ZXDC: variants seen among roughly 807,000 people sequenced by gnomAD.
The protein encoded by ZXDC is ZXD family zinc finger C.
Under a neutral mutation model 63.6 loss-of-function variants are expected in ZXDC, and 58 were observed. That is an observed-to-expected ratio of 0.91 (90% CI 0.74 to 1.13). ZXDC has a LOEUF of 1.13. Among genes scored for constraint, ZXDC ranks in the 50% most tolerant of loss-of-function variants. ZXDC has a pLI of 0.00. For missense variants in ZXDC, 1,133 were observed against 1,148.9 expected (o/e 0.99, Z 0.20); for synonymous variants, 561 against 496.1 (o/e 1.13, Z -1.74).
intron 5 of ZXDC, among the ~76,000 whole-genome samples, chr3:126,464,704 G>A (rs1273476535): frequency 6.6e-6 from 1 of 152,060 alleles, no homozygotes; most frequent in Admixed American, 6.6e-5. Flanking sequence ...AGAGGGAACG[G>A]CCAAACAGGG....
In ZXDC at chr3:126,461,895, C is replaced by G; in HGVS notation, c.1767G>C (p.Thr589=). Residue 589 remains threonine, a synonymous_variant, in exon 6 of 10, where the codon ACG becomes ACC. Coordinates refer to ENST00000389709, the MANE Select transcript of ZXDC (RefSeq NM_025112.5). ...CACTGAAGCTGCCCTGCTGCAGAAC[C>G]GTGGCTGCTGTCCCGAGAACCAGAG... is the stretch of plus-strand genomic sequence containing the variant. The part of the protein sequence containing the change: ...DSPLVLGTAA[T]VLQQGSFSVD... 1 of 1,614,206 alleles carries G rather than the reference C, an allele frequency of 6.2e-7. No individual in the cohort carries two copies. Among genetic ancestry groups the G allele is most frequent in the East Asian group, 2.2e-5 (1 of 44,884 alleles).
At chr3:126,450,635 T>C (rs902066274) in intron 7 of ZXDC, 2 of 423,398 alleles carry the variant, frequency 4.7e-6, no homozygotes, top group Non-Finnish European at 9.6e-6. Flanking sequence ...CGCATCTCCC[T>C]TCCTGCTGCT....
In ZXDC at chr3:126,475,092, G is replaced by C; in HGVS notation, c.774C>G (p.His258Gln). 6.2e-7 allele frequency: 1 copy of C among 1,609,856 alleles called. No individual in the cohort carries two copies. The highest frequency in any genetic ancestry group is 1.1e-5 in the South Asian group (1 of 90,286). ...KFTTVYNLKA[H>Q]MKGHEQESLF... ...GGCTCTCCTGCTCGTGGCCCTTCAT[G>C]TGCGCCTTGAGGTTATAGACCGTAG... Residue 258 changes from histidine (H) to glutamine (Q), a missense_variant, in exon 1 of 10, where the codon CAC becomes CAG. His to Gln is a conservative substitution (Grantham distance 24). Transcript: ENST00000389709.
intron 7 of ZXDC, chr3:126,450,626 G>A (rs781429373): frequency 4.6e-6 from 2 of 435,590 alleles, no homozygotes; most frequent in South Asian, 1.6e-5. Flanking sequence ...GCCCCTACCC[G>A]CATCTCCCTT....
intron 1 of ZXDC, among the ~76,000 whole-genome samples, chr3:126,473,081 G>A (rs1229914405): frequency 6.6e-6 from 1 of 152,118 alleles, no homozygotes; most frequent in Non-Finnish European, 1.5e-5. Flanking sequence ...GCATAGCACT[G>A]CCCAAAAGTA....
At chr3:126,439,781 GTCC>G in intron 8 of ZXDC, 54 bp from the exon 9 acceptor site, 1 of 1,516,446 alleles carries the variant, frequency 6.6e-7, no homozygotes, top group Non-Finnish European at 8.8e-7. Flanking sequence ...TGCAGCAAAG[GTCC>G]TCGTCTCACC....
At chr3:126,456,323 TG>T (rs1294041713) in intron 7 of ZXDC, among the ~76,000 whole-genome samples, 1 of 152,244 alleles carries the variant, frequency 6.6e-6, no homozygotes, top group Non-Finnish European at 1.5e-5. Flanking sequence ...CTGGGTGCCC[TG>T]GGCCACTTCC....
At chr3:126,474,742 A>T (rs1279631856) in intron 1 of ZXDC, among the ~76,000 whole-genome samples, 2 of 152,260 alleles carry the variant, frequency 1.3e-5, no homozygotes, top group Non-Finnish European at 2.9e-5. Flanking sequence ...TGGGAAGCGC[A>T]GCTGTGGTGA....
chr3:126,458,655 T>C, intron 7 of ZXDC: 1 of 985,454 alleles, frequency 1.0e-6, no homozygotes, highest in Non-Finnish European at 1.2e-6. Context: ...ACGTGTTATA[T>C]ACTTGAATGT....
intron 7 of ZXDC, chr3:126,459,302 G>C: frequency 1.0e-6 from 1 of 985,452 alleles, no homozygotes; most frequent in South Asian, 4.7e-5. Context: ...GCCATGCCAA[G>C]ATCAGGCCCC....
At chr3:126,441,188 G>A in intron 8 of ZXDC, 1 of 985,728 alleles carries the variant, frequency 1.0e-6, no homozygotes, top group Non-Finnish European at 1.2e-6. Flanking sequence ...CCTGGAAACT[G>A]GCCACAGCTG....
chr3:126,453,045 T>C, intron 7 of ZXDC: 1 of 985,418 alleles, frequency 1.0e-6, no homozygotes, highest in Non-Finnish European at 1.2e-6. Flanking sequence ...CCTTGTCAGA[T>C]TTTTCATGGG....
chr3:126,474,746 G>A (rs879518164), intron 1 of ZXDC, among the ~76,000 whole-genome samples: 1 of 152,268 alleles, frequency 6.6e-6, no homozygotes, highest in Admixed American at 6.5e-5. Flanking sequence ...AAGCGCAGCT[G>A]TGGTGATCTG....
chr3:126,444,675 C>T (rs931485943), intron 7 of ZXDC, among the ~76,000 whole-genome samples: 18 of 152,102 alleles, frequency 1.2e-4, no homozygotes, highest in African/African-American at 4.3e-4. Context: ...AGTTTTATAA[C>T]ATAAACAAGA....
At chr3:126,457,592 A>G in intron 7 of ZXDC, 1 of 985,428 alleles carries the variant, frequency 1.0e-6, no homozygotes, top group East Asian at 1.1e-4. Flanking sequence ...GAGTGCATTA[A>G]AATACTCTGA....
intron 6 of ZXDC, chr3:126,461,069 CA>C (rs1934509542): frequency 1.1e-5 from 11 of 985,300 alleles, no homozygotes; most frequent in African/African-American, 3.5e-5. Flanking sequence ...AACTAAGGCT[CA>C]TAAACCCCAC....
intron 9 of ZXDC, among the ~76,000 whole-genome samples, chr3:126,438,772 CG>C (rs1933559423): frequency 6.6e-6 from 1 of 152,222 alleles, no homozygotes; most frequent in South Asian, 2.1e-4. Flanking sequence ...ACTTCTCACG[CG>C]GTGAGCACTC....
At chr3:126,474,448 A>G (rs1016816427) in intron 1 of ZXDC, among the ~76,000 whole-genome samples, 6 of 152,174 alleles carry the variant, frequency 3.9e-5, no homozygotes, top group Admixed American at 3.9e-4. Context: ...ACAGACGGCT[A>G]ATTTTTAAAA....
Position 126,459,657 on chromosome 3 carries a change from A to C in ZXDC, c.2208T>G (p.Asn736Lys). 6.2e-7 allele frequency: 1 copy of C among 1,614,160 alleles called. No individual in the cohort carries two copies. The highest frequency in any genetic ancestry group is 1.1e-5 in the South Asian group (1 of 91,080). Residue 736 changes from asparagine (N) to lysine (K), a missense_variant, in exon 7 of 10, where the codon AAT (asparagine) becomes AAG (lysine). Coordinates refer to ENST00000389709, the MANE Select transcript of ZXDC (RefSeq NM_025112.5). ...KEKKQRGAGS[N>K]AGASQSTQRK... is the part of the protein sequence containing the mutation. ...CTGCAGCACACACGGCCTCACCTGC[A>C]TTGCTCCCCGCTCCTCTCTGCTTTT...
Sources: allele counts gnomAD v4.1 joint callset (sites outside exome capture counted in the v4.1 genomes callset), GRCh38; gene constraint gnomAD v4.1.1; transcripts MANE v1.5; gene names NCBI Gene and HGNC (gene_info 2026-07-23, HGNC 2026-07-21).